Variants in MYO5B observed in about 807,000 individuals in gnomAD.
The protein encoded by MYO5B is myosin VB.
Under a neutral mutation model 229.3 loss-of-function variants are expected in MYO5B, and 143 were observed. The ratio of observed to expected loss-of-function variants is 0.62; its 90% confidence interval spans 0.54 to 0.72. The LOEUF is 0.72. Among genes scored for constraint, MYO5B ranks in the 30% least tolerant of loss-of-function variants. The pLI is 0.00. For missense variants in MYO5B, 2,321 were observed against 2,331.0 expected (o/e 1.00, Z 0.09); for synonymous variants, 918 against 885.2 (o/e 1.04, Z -0.66).
intron 27 of MYO5B, among the ~76,000 whole-genome samples, chr18:49,871,006 C>G (rs1363924674): frequency 6.6e-6 from 1 of 152,138 alleles, no homozygotes; most frequent in Non-Finnish European, 1.5e-5. Flanking sequence ...ATGTTCAGTA[C>G]AGCATTATTC....
chr18:49,900,348 C>G (rs891429209), intron 21 of MYO5B, among the ~76,000 whole-genome samples: 21 of 152,356 alleles, frequency 1.4e-4, no homozygotes, highest in African/African-American at 4.8e-4. Context: ...TGTATCACAG[C>G]AGGCTGACCA....
chr18:50,000,390 C>T lies in MYO5B; in HGVS notation c.612+865G>A, dbSNP rs537581498. Among the ~76,000 whole-genome samples the T allele has an allele frequency of 7.2e-5, 11 of 152,234 alleles. No homozygotes were observed. The East Asian group carries it at 7.7e-4, about 11-fold the overall frequency. ...GATGGACTAGATGACATAAAACAAA[C>T]GGACTGCCCAGGGCTGGCAGAAAGG... On this transcript the variant is annotated intron_variant, in intron 5 of 39. Transcript: ENST00000285039.
At chr18:49,976,107 G>A (rs2025747972) in intron 9 of MYO5B, among the ~76,000 whole-genome samples, 1 of 152,212 alleles carries the variant, frequency 6.6e-6, no homozygotes, top group South Asian at 2.1e-4. Context: ...CCAGGCTCAA[G>A]CCTGCTGGAA....
At chr18:49,859,014 A>G (rs949862331) in intron 29 of MYO5B, among the ~76,000 whole-genome samples, 3 of 152,190 alleles carry the variant, frequency 2.0e-5, no homozygotes, top group Non-Finnish European at 4.4e-5. Flanking sequence ...AAATCTACAA[A>G]TATTTCCAGA....
chr18:49,858,917 C>T (rs985441385), intron 29 of MYO5B, among the ~76,000 whole-genome samples: 1 of 152,230 alleles, frequency 6.6e-6, no homozygotes, highest in Non-Finnish European at 1.5e-5. Context: ...AGGGAGGGAG[C>T]GCCACCTCCT....
At chr18:49,955,131 A>G (rs77845584) in intron 12 of MYO5B, among the ~76,000 whole-genome samples, 165 of 152,330 alleles carry the variant, frequency 1.1e-3, no homozygotes, top group African/African-American at 3.5e-3. Context: ...CTGGCCATGC[A>G]GTGAGAACTA....
chr18:49,869,045 A>G (rs917253565), intron 27 of MYO5B, among the ~76,000 whole-genome samples: 2 of 152,174 alleles, frequency 1.3e-5, no homozygotes, highest in Non-Finnish European at 1.5e-5. Context: ...TTTCAAATCC[A>G]ACTGGCTAAG....
chr18:49,839,376 C>T (rs2024029830), intron 35 of MYO5B, 82 bp from the exon 36 acceptor site: 2 of 1,543,170 alleles, frequency 1.3e-6, no homozygotes, highest in South Asian at 2.2e-5. Context: ...TAACTTTAGT[C>T]ATCTATTTGG....
Position 50,047,574 on chromosome 18 carries a change from G to A in MYO5B, c.139-7260C>T, listed in dbSNP as rs1460943021. ...AGAACTAGAAATACCACTTGATACAGCCATCCCATTACTGGGTATATACCC... is the reference window on the plus strand; with the variant it reads ...AGAACTAGAAATACCACTTGATACAACCATCCCATTACTGGGTATATACCC... On this transcript the variant is annotated intron_variant, in intron 2 of 39. Transcript: ENST00000285039. Among the ~76,000 whole-genome samples the A allele has an allele frequency of 3.9e-5, 6 of 152,306 alleles. No individual in the cohort carries two copies. The East Asian group carries it at 1.2e-3, about 29-fold the overall frequency.
At chr18:49,864,088 T>C in intron 28 of MYO5B, 53 bp downstream of exon 28, 1 of 1,594,696 alleles carries the variant, frequency 6.3e-7, no homozygotes, top group Non-Finnish European at 8.5e-7. Flanking sequence ...AACACTAATC[T>C]ACCACCTAGG....
intron 17 of MYO5B, among the ~76,000 whole-genome samples, chr18:49,917,784 G>A (rs756407768): frequency 6.6e-6 from 1 of 152,180 alleles, no homozygotes; most frequent in Non-Finnish European, 1.5e-5. Context: ...CAGGGGCCTG[G>A]CTGAGCATTC....
chr18:49,892,246 C>T (rs1282225472), intron 22 of MYO5B, among the ~76,000 whole-genome samples: 3 of 152,216 alleles, frequency 2.0e-5, no homozygotes, highest in Non-Finnish European at 4.4e-5. Flanking sequence ...TGGACTACCC[C>T]GTGGAAGCGC....
At chr18:49,832,961 A>G (rs1008847187) in intron 39 of MYO5B, among the ~76,000 whole-genome samples, 2 of 152,158 alleles carry the variant, frequency 1.3e-5, no homozygotes, top group Non-Finnish European at 2.9e-5. Context: ...TGAACCTATC[A>G]CAAGGCATAT....
chr18:49,928,801 A>C (rs770509122), intron 17 of MYO5B, among the ~76,000 whole-genome samples: 4 of 152,204 alleles, frequency 2.6e-5, no homozygotes, highest in Non-Finnish European at 4.4e-5. Flanking sequence ...AAAGGAACAA[A>C]ATAATGGCAT....
At chr18:49,894,239 G>A (rs546677703) in intron 22 of MYO5B, among the ~76,000 whole-genome samples, 96 of 152,188 alleles carry the variant, frequency 6.3e-4, no homozygotes, top group African/African-American at 2.2e-3. Flanking sequence ...CTGAAAAAGC[G>A]GGCAACATGC....
At chr18:49,962,095 C>CATG (rs2025565912) in intron 12 of MYO5B, among the ~76,000 whole-genome samples, 171 bp downstream of exon 12, 1 of 152,152 alleles carries the variant, frequency 6.6e-6, no homozygotes, top group Non-Finnish European at 1.5e-5. Context: ...AACATGTTGC[C>CATG]TTCTAGCACA....
intron 9 of MYO5B, among the ~76,000 whole-genome samples, chr18:49,976,212 G>A (rs1391682022): frequency 6.6e-6 from 1 of 152,214 alleles, no homozygotes; most frequent in South Asian, 2.1e-4. Context: ...ATTTTCTGAT[G>A]AGGCTGACTT....
At chr18:50,056,327 C>T (rs924873179) in intron 1 of MYO5B, among the ~76,000 whole-genome samples, 1 of 152,142 alleles carries the variant, frequency 6.6e-6, no homozygotes, top group African/African-American at 2.4e-5. Context: ...CTTGGCTGTA[C>T]CTCAGACCAA....
intron 17 of MYO5B, among the ~76,000 whole-genome samples, chr18:49,914,000 A>C (rs1019116211): frequency 6.6e-6 from 1 of 152,068 alleles, no homozygotes; most frequent in Non-Finnish European, 1.5e-5. Flanking sequence ...CCATCCCGCT[A>C]AGAGCCACCT....
Sources: gnomAD v4.1 joint callset for allele counts (sites outside exome capture counted in the v4.1 genomes callset) on GRCh38, gnomAD v4.1.1 for gene constraint, MANE v1.5 for transcripts, NCBI Gene and HGNC (gene_info 2026-07-23, HGNC 2026-07-21) for gene names.